CORIN: variants seen among roughly 807,000 people sequenced by gnomAD.
CORIN encodes atrial natriuretic peptide-converting enzyme.
In CORIN, 117 loss-of-function variants were observed where a neutral mutation model predicts 125.3. That is an observed-to-expected ratio of 0.93 (90% CI 0.80 to 1.09). CORIN has a LOEUF of 1.09. Among genes scored for constraint, CORIN ranks in the 50% least tolerant of loss-of-function variants. The pLI is 0.00. For missense variants in CORIN, 1,253 were observed against 1,306.7 expected (o/e 0.96, Z 0.63); for synonymous variants, 450 against 466.4 (o/e 0.96, Z 0.45).
intron 13 of CORIN, among the ~76,000 whole-genome samples, chr4:47,649,563 T>C (rs1285968751): frequency 6.6e-6 from 1 of 152,232 alleles, no homozygotes; most frequent in Non-Finnish European, 1.5e-5. Flanking sequence ...CATTCCAAGC[T>C]GTGAGAGATA....
At chr4:47,718,107 G>A (rs952364986) in intron 5 of CORIN, among the ~76,000 whole-genome samples, 2 of 152,178 alleles carry the variant, frequency 1.3e-5, no homozygotes, top group African/African-American at 4.8e-5. Context: ...GCCAAGTGCT[G>A]AAATGGACAC....
chr4:47,828,936 A>G (rs1732851520), intron 1 of CORIN, among the ~76,000 whole-genome samples: 1 of 152,074 alleles, frequency 6.6e-6, no homozygotes, highest in South Asian at 2.1e-4. Flanking sequence ...AGGCGGACGG[A>G]TCACGAGGTC....
chr4:47,631,483 T>G (rs143384591), intron 16 of CORIN, among the ~76,000 whole-genome samples: 101 of 152,122 alleles, frequency 6.6e-4, no homozygotes, highest in African/African-American at 2.3e-3. Flanking sequence ...CCTGATGATC[T>G]GTCACTGTCT....
chr4:47,657,444 A>T (rs1458100726), intron 12 of CORIN, among the ~76,000 whole-genome samples: 1 of 150,686 alleles, frequency 6.6e-6, no homozygotes, highest in Non-Finnish European at 1.5e-5. Flanking sequence ...CTGAGGCAGG[A>T]GAATGGCGAG....
intron 5 of CORIN, among the ~76,000 whole-genome samples, chr4:47,700,232 T>TA (rs1726222592): frequency 6.6e-6 from 1 of 152,174 alleles, no homozygotes; most frequent in South Asian, 2.1e-4. Flanking sequence ...TCATTGTACT[T>TA]AGACTTGAGA....
At chr4:47,655,849 GA>G (rs34392343) in intron 12 of CORIN, among the ~76,000 whole-genome samples, 35,386 of 106,718 alleles carry the variant, frequency 0.33, 4,164 homozygotes, top group Admixed American at 0.42. Flanking sequence ...TCTTTCAGCA[GA>G]AAAAAAAAAA....
chr4:47,836,745 G>A (rs954047471), intron 1 of CORIN, among the ~76,000 whole-genome samples: 1 of 152,184 alleles, frequency 6.6e-6, no homozygotes, highest in Non-Finnish European at 1.5e-5. Context: ...ACCGGGAGCC[G>A]TGCAAAAAGC....
intron 10 of CORIN, among the ~76,000 whole-genome samples, chr4:47,667,684 A>C (rs1181239482): frequency 6.6e-6 from 1 of 152,208 alleles, no homozygotes; most frequent in Non-Finnish European, 1.5e-5. Flanking sequence ...ATGATGCATG[A>C]AGTGCAATAT....
chr4:47,705,897 T>C (rs940585074), intron 5 of CORIN, among the ~76,000 whole-genome samples: 1 of 152,250 alleles, frequency 6.6e-6, no homozygotes, highest in Non-Finnish European at 1.5e-5. Context: ...GTTTTCAGTA[T>C]TTATTTTAAA....
At chr4:47,721,394 C>T (rs899889222) in intron 5 of CORIN, among the ~76,000 whole-genome samples, 1 of 152,084 alleles carries the variant, frequency 6.6e-6, no homozygotes, top group Non-Finnish European at 1.5e-5. Context: ...CTCAGACACC[C>T]AAGTAGCTGT....
intron 4 of CORIN, among the ~76,000 whole-genome samples, chr4:47,745,207 T>TA (rs1310238040): frequency 6.6e-6 from 1 of 152,196 alleles, no homozygotes; most frequent in Non-Finnish European, 1.5e-5. Context: ...CCCCAGAGCT[T>TA]ATCTTTATTC....
intron 3 of CORIN, among the ~76,000 whole-genome samples, chr4:47,780,082 A>G (rs1730471981): frequency 6.6e-6 from 1 of 152,170 alleles, no homozygotes; most frequent in South Asian, 2.1e-4. Flanking sequence ...ATGGAATACT[A>G]TTTAGTCATT....
chr4:47,733,381 A>G (rs1385064234), intron 5 of CORIN, among the ~76,000 whole-genome samples: 1 of 152,210 alleles, frequency 6.6e-6, no homozygotes, highest in Non-Finnish European at 1.5e-5. Context: ...ATTTCTTCCA[A>G]ATAAACCCAC....
At chr4:47,693,117 A>C in intron 5 of CORIN, 34 bp from the exon 6 acceptor site, 1 of 1,364,184 alleles carries the variant, frequency 7.3e-7, no homozygotes, top group Admixed American at 1.8e-5. Flanking sequence ...ATGTCAGAAT[A>C]AGATGGGTTT....
intron 10 of CORIN, among the ~76,000 whole-genome samples, chr4:47,665,608 T>C (rs934319441): frequency 2.6e-5 from 4 of 152,236 alleles, no homozygotes; most frequent in African/African-American, 7.2e-5. Flanking sequence ...TCTGATTTAC[T>C]TATTACTACT....
At chr4:47,720,936 C>A (rs1435356685) in intron 5 of CORIN, among the ~76,000 whole-genome samples, 1 of 152,142 alleles carries the variant, frequency 6.6e-6, no homozygotes, top group Admixed American at 6.5e-5. Context: ...TGATCTTGAG[C>A]AAATCACTTA....
intron 5 of CORIN, among the ~76,000 whole-genome samples, chr4:47,698,291 A>G (rs1726124782): frequency 6.6e-6 from 1 of 151,768 alleles, no homozygotes; most frequent in Non-Finnish European, 1.5e-5. Flanking sequence ...TTGGCACCCA[A>G]TATTAATTAG....
At chr4:47,677,830 G>C in intron 9 of CORIN, 108 bp downstream of exon 9, 1 of 765,880 alleles carries the variant, frequency 1.3e-6, no homozygotes, top group East Asian at 2.5e-5. Flanking sequence ...AGGCAATCTG[G>C]GATTATTTAC....
At chr4:47,678,638 T>C (rs920821744) in intron 8 of CORIN, among the ~76,000 whole-genome samples, 18 of 152,362 alleles carry the variant, frequency 1.2e-4, no homozygotes, top group African/African-American at 4.3e-4. Flanking sequence ...CACTTGTTTA[T>C]GACAACTGAT....
Sources: allele counts gnomAD v4.1 joint callset (sites outside exome capture counted in the v4.1 genomes callset), GRCh38; gene constraint gnomAD v4.1.1; transcripts MANE v1.5; gene names NCBI Gene and HGNC (gene_info 2026-07-23, HGNC 2026-07-21).